The following DPY19L1 variants were observed in gnomAD, a reference collection of about 807,000 sequenced individuals.
DPY19L1 encodes the protein protein C-mannosyl-transferase DPY19L1.
Under a neutral mutation model 96.9 loss-of-function variants are expected in DPY19L1, and 35 were observed. The observed-to-expected ratio is 0.36, with a 90% CI of 0.28 to 0.48. The LOEUF is 0.48. Among genes scored for constraint, DPY19L1 ranks in the 20% least tolerant of loss-of-function variants. The pLI, the probability that DPY19L1 is intolerant of heterozygous loss-of-function variation, is 0.99. For synonymous variants in DPY19L1, 205 were observed against 252.6 expected, an observed-to-expected ratio of 0.81 and a Z score of 1.79; for missense variants, 521 against 777.9, an observed-to-expected ratio of 0.67 and a Z score of 3.93.
At chr7:35,002,310 C>A (rs2128675770) in intron 6 of DPY19L1, among the ~76,000 whole-genome samples, 2 of 150,524 alleles carry the variant, frequency 1.3e-5, no homozygotes, top group Admixed American at 6.6e-5. Context: ...ATAGAACAAA[C>A]AAAACTTCTT....
intron 9 of DPY19L1, among the ~76,000 whole-genome samples, chr7:34,967,712 G>A (rs868788950): frequency 9.2e-5 from 14 of 152,128 alleles, no homozygotes; most frequent in Admixed American, 2.6e-4. Context: ...AATTCTTCCC[G>A]TCCTACTACA....
intron 1 of DPY19L1, among the ~76,000 whole-genome samples, chr7:35,027,459 T>C (rs1240263062): frequency 3.9e-5 from 6 of 152,056 alleles, no homozygotes; most frequent in African/African-American, 7.2e-5. Flanking sequence ...AAATCTATTT[T>C]GAATTGGAAA....
chr7:35,019,579 A>T (rs1785944790), intron 1 of DPY19L1, among the ~76,000 whole-genome samples: 2 of 152,008 alleles, frequency 1.3e-5, no homozygotes, highest in African/African-American at 4.8e-5. Flanking sequence ...AAGGAAGAGG[A>T]AAGAAGGAAG....
At chr7:34,946,093 C>A (rs1283948752) in intron 15 of DPY19L1, among the ~76,000 whole-genome samples, 5 of 152,218 alleles carry the variant, frequency 3.3e-5, no homozygotes, top group Non-Finnish European at 7.4e-5. Context: ...CTCTTCTTAA[C>A]AGTGCACTCA....
chr7:34,956,212 T>C (rs1355380494), intron 11 of DPY19L1, among the ~76,000 whole-genome samples: 2 of 152,224 alleles, frequency 1.3e-5, no homozygotes, highest in African/African-American at 4.8e-5. Context: ...GATTCAATGG[T>C]TTCCCTGTCC....
At chr7:35,033,885 C>T (rs1381418193) in intron 1 of DPY19L1, among the ~76,000 whole-genome samples, 1 of 151,982 alleles carries the variant, frequency 6.6e-6, no homozygotes, top group Non-Finnish European at 1.5e-5. Flanking sequence ...TTCGTTGTCA[C>T]TACTGGGGAG....
chr7:34,957,754 G>T (rs560532884), intron 11 of DPY19L1, among the ~76,000 whole-genome samples: 2 of 152,226 alleles, frequency 1.3e-5, no homozygotes, highest in African/African-American at 4.8e-5. Flanking sequence ...AAATGCAAAG[G>T]AGGAAGGGAG....
At chr7:35,005,832 T>G (rs1181859728) in intron 6 of DPY19L1, among the ~76,000 whole-genome samples, 1 of 151,478 alleles carries the variant, frequency 6.6e-6, no homozygotes, top group Non-Finnish European at 1.5e-5. Context: ...AAGTTTTGTC[T>G]TAATTTTGTC....
chr7:35,001,169 A>G (rs977642445), intron 6 of DPY19L1, among the ~76,000 whole-genome samples: 1 of 152,212 alleles, frequency 6.6e-6, no homozygotes, highest in African/African-American at 2.4e-5. Flanking sequence ...AGCGTCATAC[A>G]TGAACTGAAC....
At chr7:34,939,127 G>A (rs947401650) in intron 20 of DPY19L1, 149 bp downstream of exon 20, 17 of 633,426 alleles carry the variant, frequency 2.7e-5, no homozygotes, top group African/African-American at 9.4e-5. Context: ...AGAGCTTAGC[G>A]GTCTTATTTC....
At chr7:35,012,791 A>T (rs1785744789) in intron 4 of DPY19L1, among the ~76,000 whole-genome samples, 1 of 152,118 alleles carries the variant, frequency 6.6e-6, no homozygotes, top group Admixed American at 6.5e-5. Context: ...AAAATGTTTC[A>T]TTATATAGCA....
At chr7:34,941,011 C>G (rs1783999557) in intron 18 of DPY19L1, among the ~76,000 whole-genome samples, 1 of 152,068 alleles carries the variant, frequency 6.6e-6, no homozygotes, top group Non-Finnish European at 1.5e-5. Context: ...AAATAGTCCA[C>G]ACTCCATAAC....
At chr7:35,020,233 T>G (rs1279632019) in intron 1 of DPY19L1, among the ~76,000 whole-genome samples, 1 of 152,232 alleles carries the variant, frequency 6.6e-6, no homozygotes, top group Non-Finnish European at 1.5e-5. Context: ...TTTCTCCCAT[T>G]GAATGTAAAT....
intron 10 of DPY19L1, among the ~76,000 whole-genome samples, chr7:34,959,651 G>A (rs185694093): frequency 1.2e-4 from 18 of 150,442 alleles, no homozygotes; most frequent in Non-Finnish European, 2.5e-4. Context: ...ACTCATAACT[G>A]TCAGTTGAAC....
At chr7:35,020,438 A>G (rs1217530211) in intron 1 of DPY19L1, among the ~76,000 whole-genome samples, 1 of 152,216 alleles carries the variant, frequency 6.6e-6, no homozygotes, top group Non-Finnish European at 1.5e-5. Flanking sequence ...TACATAACAT[A>G]TATCTTCAAT....
intron 21 of DPY19L1, among the ~76,000 whole-genome samples, chr7:34,937,004 T>A (rs1783882151): frequency 6.6e-6 from 1 of 152,240 alleles, no homozygotes; most frequent in Non-Finnish European, 1.5e-5. Context: ...TAAAATAGTG[T>A]TTATTTCTGA....
rs1331102775 is a variant in DPY19L1 at position 34,964,868 on chromosome 7, C to G, written c.1092+2026G>C. On this transcript the variant is annotated intron_variant, in intron 10 of 21. Coordinates refer to ENST00000638088, the MANE Select transcript of DPY19L1 (RefSeq NM_001366673.1). Reference sequence around the variant, plus strand: ...GACACAAGACAAACTGGTAAAAGATCTGAATAGGAATTTACAACAATGGAA... The same window carrying G: ...GACACAAGACAAACTGGTAAAAGATGTGAATAGGAATTTACAACAATGGAA... Among the ~76,000 whole-genome samples the G allele has an allele frequency of 2.0e-5, 3 of 151,910 alleles. No individual in the cohort carries two copies. In the South Asian group the frequency reaches 6.2e-4, roughly 32 times the overall value.
chr7:34,988,519 A>G (rs181003237), intron 7 of DPY19L1, among the ~76,000 whole-genome samples: 78 of 151,940 alleles, frequency 5.1e-4, no homozygotes, highest in African/African-American at 1.7e-3. Context: ...CATTTCTGTG[A>G]TTCTAAATAC....
chr7:34,959,929 A>ATAAATATATATATT (rs1784466512), intron 10 of DPY19L1, among the ~76,000 whole-genome samples: 1 of 50,388 alleles, frequency 2.0e-5, no homozygotes, highest in Non-Finnish European at 4.0e-5. Flanking sequence ...ATATATTTAT[A>ATAAATATATATATT]TATATATATA....
Sources: gnomAD v4.1 joint callset for allele counts (sites outside exome capture counted in the v4.1 genomes callset) on GRCh38, gnomAD v4.1.1 for gene constraint, MANE v1.5 for transcripts, NCBI Gene and HGNC (gene_info 2026-07-23, HGNC 2026-07-21) for gene names.